The following DNAH1 variants were observed in gnomAD, a reference collection of about 807,000 sequenced individuals.
The protein encoded by DNAH1 is dynein axonemal heavy chain 1, also known as axonemal beta dynein heavy chain 1.
A neutral mutation model predicts 484.3 loss-of-function variants in DNAH1; 327 were observed. The ratio of observed to expected loss-of-function variants is 0.68; its 90% CI spans 0.62 to 0.74. The LOEUF (loss-of-function observed/expected upper bound fraction) is 0.74, where lower values mean the gene tolerates loss of function less well. Among genes scored for constraint, DNAH1 ranks in the 30% least tolerant of loss-of-function variants. DNAH1 has a pLI of 0.00. For missense variants in DNAH1, 5,052 were observed against 5,546.8 expected (o/e 0.91, Z 2.83); for synonymous variants, 2,192 against 2,191.9 (o/e 1.00, Z 0.00).
rs1354397935 is a variant in DNAH1 at position 52,363,136 on chromosome 3, A to G, written c.5236A>G (p.Ser1746Gly). 5 of 1,613,908 alleles carry G rather than the reference A, an allele frequency of 3.1e-6. No individual in the cohort carries two copies. Among genetic ancestry groups the G allele is most frequent in the Non-Finnish European group, 4.2e-6 (5 of 1,179,822 alleles). ...CTTCAAGCTGTCTTCTGAGCAGCTC[A>G]GCTCCCAGGTGTGGTCCTGCCCTGA... ...TTFKLSSEQL[S>G]SQDHYDFGMR... Residue 1746 changes from serine (S) to glycine (G), a missense_variant, in exon 32 of 78, where the codon AGC becomes GGC. Around this residue, in one of 4 missense-constraint regions of DNAH1, gnomAD observed 2,929 missense variants for 3,409.4 expected, o/e 0.86. Transcript: ENST00000420323.
At chr3:52,366,174 G>T (rs1188382170) in intron 34 of DNAH1, among the ~76,000 whole-genome samples, 1 of 152,200 alleles carries the variant, frequency 6.6e-6, no homozygotes, top group Non-Finnish European at 1.5e-5. Context: ...CTGACACTGA[G>T]CAAGCTGGTG....
Position 52,396,542 on chromosome 3 carries a change from A to G in DNAH1, c.11430+4A>G. On this transcript the variant is annotated splice_donor_region_variant and intron_variant, in intron 71 of 77. Coordinates refer to ENST00000420323, the MANE Select transcript of DNAH1 (RefSeq NM_015512.5). ...CTTCCTCAACTCCTGCCACAAGGTG[A>G]GGCACACTTGGTGCAGGCCTACCCT... The G allele has an allele frequency of 6.2e-7, 1 of 1,612,728 alleles. No homozygotes were observed. The highest frequency in any genetic ancestry group is 1.1e-5 in the South Asian group (1 of 90,952).
intron 5 of DNAH1, 115 bp from the exon 6 acceptor site, chr3:52,327,767 G>T: frequency 7.9e-7 from 1 of 1,267,572 alleles, no homozygotes; most frequent in Non-Finnish European, 1.1e-6. Context: ...CCACCTTGCA[G>T]CTCTCTCACC....
In DNAH1 at chr3:52,378,369, C is replaced by T. The variant is rs187253745; in HGVS notation, c.7199-233C>T. Among the ~76,000 whole-genome samples, 320 of 151,268 alleles carry T rather than the reference C, an allele frequency of 2.1e-3. 15 individuals carry two copies. The South Asian group carries it at 0.062, about 29-fold the overall frequency. ...AGTTCCATGATGAGTCCCAGTGCTC[C>T]GACAGGCCATGTCAGCATAAAGATA... On this transcript the variant is annotated intron_variant, in intron 46 of 77. Transcript: ENST00000420323.
Position 52,350,507 on chromosome 3 carries a change from G to T in DNAH1, c.2647-1G>T. ...GTTCTCATTACCACCTGTCTGTGCA[G>T]GAGCGGATTGTGAAGGTCATGGATG... On this transcript the variant is annotated splice_acceptor_variant, in intron 15 of 77. Transcript: ENST00000420323. LOFTEE classifies it high-confidence loss of function. 6.2e-7 allele frequency: 1 copy of T among 1,613,800 alleles called. No homozygotes were observed. Among genetic ancestry groups the T allele is most frequent in the Non-Finnish European group, 8.5e-7 (1 of 1,179,796 alleles).
intron 6 of DNAH1, 120 bp from the exon 7 acceptor site, chr3:52,331,027 GC>G: frequency 7.9e-7 from 1 of 1,270,648 alleles, no homozygotes; most frequent in Non-Finnish European, 1.1e-6. Flanking sequence ...GGGCATCCCA[GC>G]GGGAGAGACG....
In DNAH1 at chr3:52,362,913, T is replaced by C. The variant is rs937762166; in HGVS notation, c.5095-82T>C. ...TGGTGCAGCAGGGAGTCCCAGCGTG[T>C]TAGGGAGGAGGGCCGGATGAAGCTG... is the stretch of plus-strand genomic sequence containing the variant. On this transcript the variant is annotated intron_variant, in intron 31 of 77. Coordinates refer to ENST00000420323, the MANE Select transcript of DNAH1 (RefSeq NM_015512.5). The surrounding 1 kb of genome is among the most constrained non-coding windows in gnomAD (Gnocchi z 5.1). The C allele has an allele frequency of 6.3e-7, 1 of 1,581,394 alleles. No homozygotes were observed. The highest frequency in any genetic ancestry group is 8.6e-7 in the Non-Finnish European group (1 of 1,158,756).
At chr3:52,388,673 C>T in intron 58 of DNAH1, 64 bp downstream of exon 58, 2 of 1,609,622 alleles carry the variant, frequency 1.2e-6, no homozygotes, top group Non-Finnish European at 1.7e-6. Flanking sequence ...CAGAAAGGAC[C>T]AGGGCGCCGG....
At position 52,364,085 on chromosome 3, in the gene DNAH1, A is replaced by G. The variant is rs1349055365; in HGVS notation, c.5245-553A>G. Among the ~76,000 whole-genome samples the G allele has an allele frequency of 2.0e-5, 3 of 152,260 alleles. No homozygotes were observed. The highest frequency in any genetic ancestry group is 6.5e-5 in the Admixed American group (1 of 15,290). On this transcript the variant is annotated intron_variant, in intron 32 of 77. Transcript: ENST00000420323. This position sits in a 1 kb window ranked among gnomAD's most constrained non-coding sequence, Gnocchi z 4.2. Reference sequence around the variant, plus strand: ...GCTCCAAGTCCGAGATTTCTGGAACATATGCTAGTCTATGGGTTGGGTCTA... The same window carrying G: ...GCTCCAAGTCCGAGATTTCTGGAACGTATGCTAGTCTATGGGTTGGGTCTA...
intron 36 of DNAH1, among the ~76,000 whole-genome samples, 156 bp downstream of exon 36, chr3:52,367,043 G>A (rs1017283333): frequency 6.6e-6 from 1 of 152,158 alleles, no homozygotes; most frequent in African/African-American, 2.4e-5. Flanking sequence ...CTCGCTGAGT[G>A]ACCCTCCTCA....
intron 20 of DNAH1, among the ~76,000 whole-genome samples, chr3:52,354,497 G>A (rs993506111): frequency 2.0e-5 from 3 of 152,204 alleles, no homozygotes; most frequent in Non-Finnish European, 2.9e-5. Context: ...GTGGGGTGTG[G>A]TGGCACATGC....
rs971225227 is a variant in DNAH1, at chr3:52,380,154, C to T, written c.7608+19C>T. 1.5e-5 allele frequency: 24 copies of T among 1,561,846 alleles called. No individual in the cohort carries two copies. The African/African-American group carries it at 1.8e-4, about 12-fold the overall frequency. The stretch of plus-strand genomic sequence containing the variant: ...GAGTAAGGTGAGGGGCCCAGGCAGG[C>T]GCCCTGCCCCTGGTGGGGTCCTCTT... On this transcript the variant is annotated intron_variant, in intron 48 of 77. Transcript: ENST00000420323.
chr3:52,322,849 C>T (rs943655831), intron 2 of DNAH1, 74 bp downstream of exon 2: 20 of 1,295,874 alleles, frequency 1.5e-5, no homozygotes, highest in Non-Finnish European at 2.2e-5. Flanking sequence ...TTTCATCCTT[C>T]TCCCCATCAG....
chr3:52,373,721 C>CT, intron 44 of DNAH1: 1 of 1,380,742 alleles, frequency 7.2e-7, no homozygotes. Flanking sequence ...TCCTTTTTGA[C>CT]TTTGTTTCTG....
rs369219063 is a variant in DNAH1 at position 52,353,360 on chromosome 3, G to C, written c.3227-20G>C. On this transcript the variant is annotated intron_variant, in intron 19 of 77. Transcript: ENST00000420323. This position sits in a 1 kb window ranked among gnomAD's most constrained non-coding sequence, Gnocchi z 5.0. ...TGCCTCTGCCGCCTGCCTCTCATGC[G>C]TTTCTGTCTTACCCGGCAGCCTGCC... is the stretch of plus-strand genomic sequence containing the variant. The C allele has an allele frequency of 6.2e-7, 1 of 1,608,688 alleles. No individual in the cohort carries two copies. The highest frequency in any genetic ancestry group is 8.5e-7 in the Non-Finnish European group (1 of 1,176,164).
At chr3:52,359,680 TCCC>T (rs1430406708) in intron 26 of DNAH1, among the ~76,000 whole-genome samples, 1 of 152,170 alleles carries the variant, frequency 6.6e-6, no homozygotes, top group East Asian at 1.9e-4. Flanking sequence ...AGGCTCCCCC[TCCC>T]GGCTTTAAGG....
chr3:52,374,713 T>C (rs879074171), intron 44 of DNAH1: 7 of 1,362,530 alleles, frequency 5.1e-6, no homozygotes, highest in East Asian at 2.3e-5. Flanking sequence ...TGGAACAAGA[T>C]AATACATGGC....
In DNAH1 at chr3:52,356,748, G is replaced by T; in HGVS notation, c.3828G>T (p.Lys1276Asn). Residue 1276 changes from lysine to asparagine, a missense_variant, in exon 22 of 78, where the codon AAG becomes AAT. Coordinates refer to ENST00000420323, the MANE Select transcript of DNAH1 (RefSeq NM_015512.5). ...AGACCATGGAGCGGATCTGGAAGAA[G>T]ATCATGAAGAATGCCTACGAGAACC... is the stretch of plus-strand genomic sequence containing the variant. ...RYQTMERIWKKIMKNAYENRE... is the reference protein window; with the variant it reads ...RYQTMERIWKNIMKNAYENRE... 1.2e-6 allele frequency: 2 copies of T among 1,612,972 alleles called. No individual in the cohort carries two copies. Among genetic ancestry groups the T allele is most frequent in the Non-Finnish European group, 1.7e-6 (2 of 1,179,422 alleles).
At chr3:52,326,612 G>A in intron 4 of DNAH1, 123 bp from the exon 5 acceptor site, 1 of 1,226,826 alleles carries the variant, frequency 8.2e-7, no homozygotes, top group Non-Finnish European at 1.1e-6. Flanking sequence ...AGGGGTGGAG[G>A]GCTCCAGAGG....
Sources: allele counts gnomAD v4.1 joint callset (sites outside exome capture counted in the v4.1 genomes callset), GRCh38; gene constraint gnomAD v4.1.1; regional missense constraint gnomAD v4.1.1; non-coding constraint Gnocchi (gnomAD v3.1); transcripts MANE v1.5; gene names NCBI Gene and HGNC (gene_info 2026-07-23, HGNC 2026-07-21).